Variants in LRP4 observed in about 807,000 individuals in gnomAD.
LRP4 encodes the protein LDL receptor related protein 4, also known as low-density lipoprotein receptor-related protein 4.
Under a neutral mutation model 220.3 loss-of-function variants are expected in LRP4, and 95 were observed. The ratio of observed to expected loss-of-function variants is 0.43; its 90% CI spans 0.37 to 0.51. The LOEUF (loss-of-function observed/expected upper bound fraction) is 0.51, where lower values mean the gene tolerates loss of function less well. Among genes scored for constraint, LRP4 ranks in the 20% least tolerant of loss-of-function variants. LRP4 has a pLI of 0.00. For missense variants in LRP4, 1,925 were observed against 2,567.0 expected (o/e 0.75, Z 5.40); for synonymous variants, 903 against 954.6 (o/e 0.95, Z 1.00).
chr11:46,901,923 C>A (rs1327764516), intron 2 of LRP4, among the ~76,000 whole-genome samples: 1 of 151,802 alleles, frequency 6.6e-6, no homozygotes, highest in Admixed American at 6.6e-5. Flanking sequence ...TTAATAGAGA[C>A]AGGGTTTCAG....
chr11:46,876,463 C>T lies in LRP4; in HGVS notation c.3536+3G>A. ...TACCCAGTGCGATACAGCCAGCTCT[C>T]ACCCCATCTCATGGTACAGTACGAT... On this transcript the variant is annotated splice_donor_region_variant and intron_variant, in intron 25 of 37. Transcript: ENST00000378623. The T allele has an allele frequency of 6.2e-7, 1 of 1,614,202 alleles. No homozygotes were observed. The highest frequency in any genetic ancestry group is 8.5e-7 in the Non-Finnish European group (1 of 1,180,038).
At chr11:46,861,496 ATAGT>A (rs2080472155) in intron 37 of LRP4, among the ~76,000 whole-genome samples, 1 of 138,060 alleles carries the variant, frequency 7.2e-6, no homozygotes, top group African/African-American at 2.6e-5. Context: ...AATACCAGGT[ATAGT>A]TAGTTTCCTT....
chr11:46,868,877 G>A (rs1940780102), intron 32 of LRP4, 111 bp downstream of exon 32: 1 of 1,488,810 alleles, frequency 6.7e-7, no homozygotes, highest in Non-Finnish European at 9.4e-7. Flanking sequence ...TTTAAAATGT[G>A]AACCAAGAAG....
At chr11:46,905,950 C>G (rs1197623394) in intron 1 of LRP4, among the ~76,000 whole-genome samples, 1 of 151,842 alleles carries the variant, frequency 6.6e-6, no homozygotes, top group Non-Finnish European at 1.5e-5. Flanking sequence ...TGCTGCTAAC[C>G]ACACACAGTA....
Position 46,877,263 on chromosome 11 carries a change from A to G in LRP4, c.3213T>C (p.Asp1071=), listed in dbSNP as rs753940668. 2.5e-6 allele frequency: 4 copies of G among 1,614,092 alleles called. No individual in the cohort carries two copies. In the Admixed American group the frequency reaches 6.7e-5, roughly 27 times the overall value. The part of the protein sequence containing the change: ...MVSLDIPYFA[D]VVVPINITMK... ...TGGTAATGTTGATTGGTACCACCAC[A>G]TCAGCAAAATAAGGGATGTCCAGGG... is the stretch of plus-strand genomic sequence containing the variant. The change falls in exon 23 of 38, where the codon GAT becomes GAC. Residue 1071 remains aspartate, a synonymous_variant. Coordinates refer to ENST00000378623, the MANE Select transcript of LRP4 (RefSeq NM_002334.4).
intron 37 of LRP4, among the ~76,000 whole-genome samples, chr11:46,860,366 C>CA (rs1483689573): frequency 6.6e-6 from 1 of 152,204 alleles, no homozygotes; most frequent in Admixed American, 6.5e-5. Flanking sequence ...GCTCTGCTGC[C>CA]ATGAGTCCTG....
intron 37 of LRP4, 136 bp from the exon 38 acceptor site, chr11:46,859,451 G>A (rs1334506785): frequency 1.4e-6 from 1 of 726,124 alleles, no homozygotes; most frequent in East Asian, 2.6e-5. Flanking sequence ...ATGGGGAAAT[G>A]TGATTAAGAC....
At chr11:46,885,655 C>T (rs1348019582) in intron 18 of LRP4, among the ~76,000 whole-genome samples, 1 of 151,860 alleles carries the variant, frequency 6.6e-6, no homozygotes, top group Non-Finnish European at 1.5e-5. Flanking sequence ...GCCTGTAGTC[C>T]CAGCTACTTG....
intron 2 of LRP4, 41 bp downstream of exon 2, chr11:46,902,742 C>T (rs766935149): frequency 1.1e-5 from 17 of 1,612,416 alleles, no homozygotes; most frequent in Admixed American, 1.7e-5. Context: ...ACCCCCAGGT[C>T]CCTCTCCACC....
chr11:46,877,759 C>A (rs182552993), intron 22 of LRP4, among the ~76,000 whole-genome samples: 3 of 152,238 alleles, frequency 2.0e-5, no homozygotes, highest in African/African-American at 4.8e-5. Flanking sequence ...TGAGCCACTA[C>A]TCTCAGCTTA....
intron 13 of LRP4, among the ~76,000 whole-genome samples, chr11:46,891,519 G>A (rs1484014459): frequency 1.3e-5 from 2 of 152,048 alleles, no homozygotes; most frequent in Middle Eastern, 3.4e-3. Context: ...CATACTGTAG[G>A]ACCTTATAAG....
chr11:46,864,382 G>A (rs538517992), intron 36 of LRP4, 66 bp downstream of exon 36: 14 of 1,217,386 alleles, frequency 1.2e-5, no homozygotes, highest in Middle Eastern at 1.9e-4. Context: ...GCAGAGCTTC[G>A]GGAGATCCCA....
intron 2 of LRP4, among the ~76,000 whole-genome samples, chr11:46,902,120 G>A (rs1274258206): frequency 6.6e-6 from 1 of 151,768 alleles, no homozygotes; most frequent in Non-Finnish European, 1.5e-5. Flanking sequence ...CACTTTGGGA[G>A]GCTGAGGTGG....
chr11:46,894,926 T>C, intron 11 of LRP4, 107 bp from the exon 12 acceptor site: 1 of 1,079,586 alleles, frequency 9.3e-7, no homozygotes, highest in Non-Finnish European at 1.4e-6. Context: ...CACAAGGACA[T>C]GCCCCAAGCT....
intron 18 of LRP4, among the ~76,000 whole-genome samples, chr11:46,884,869 G>A (rs553443395): frequency 5.9e-5 from 9 of 152,000 alleles, no homozygotes; most frequent in Non-Finnish European, 1.3e-4. Flanking sequence ...CTGAGATTGC[G>A]CCGCTGCACT....
chr11:46,899,785 G>A lies in LRP4; in HGVS notation c.430+78C>T. On this transcript the variant is annotated intron_variant, in intron 4 of 37. Coordinates refer to ENST00000378623, the MANE Select transcript of LRP4 (RefSeq NM_002334.4). The surrounding 1 kb of genome is among the most constrained non-coding windows in gnomAD (Gnocchi z 5.9). Reference sequence around the variant, plus strand: ...CAGTTGGAGGTTTGGCAGTGCTAGGGCCATTGCTGCTATCTTCTCCCATGG... The same window carrying A: ...CAGTTGGAGGTTTGGCAGTGCTAGGACCATTGCTGCTATCTTCTCCCATGG... 2 of 1,177,914 alleles carry A rather than the reference G, an allele frequency of 1.7e-6. No homozygotes were observed. Among genetic ancestry groups the A allele is most frequent in the South Asian group, 1.2e-5 (1 of 82,442 alleles). The allele number at this position is 1,177,914 out of a possible 1,614,324, so 73.0% of individuals were successfully genotyped here.
At chr11:46,885,916 G>T (rs767348341) in intron 18 of LRP4, among the ~76,000 whole-genome samples, 175 bp downstream of exon 18, 2 of 152,302 alleles carry the variant, frequency 1.3e-5, no homozygotes, top group African/African-American at 4.8e-5. Context: ...AGCTTCTCAC[G>T]TGGGAGCTTC....
chr11:46,912,583 C>G (rs1211092652), intron 1 of LRP4, among the ~76,000 whole-genome samples: 1 of 152,174 alleles, frequency 6.6e-6, no homozygotes, highest in Non-Finnish European at 1.5e-5. Context: ...ACAGTCAACT[C>G]AACAGAGAAG....
Position 46,862,747 on chromosome 11 carries a change from T to G in LRP4, c.5244A>C (p.Arg1748Ser). The G allele has an allele frequency of 6.2e-7, 1 of 1,613,808 alleles. No homozygotes were observed. Among genetic ancestry groups the G allele is most frequent in the Non-Finnish European group, 8.5e-7 (1 of 1,179,906 alleles). The change falls in exon 37 of 38, where the codon AGA becomes AGC. Residue 1748 changes from arginine (R) to serine (S), a missense_variant and splice_region_variant. Around this residue, in one of 3 missense-constraint regions of LRP4, gnomAD observed 1,244 missense variants for 1,624.9 expected, o/e 0.77. Coordinates refer to ENST00000378623, the MANE Select transcript of LRP4 (RefSeq NM_002334.4). ...GATCAGTGAACTTGGATTTTTTGTG[T>G]CTTTAGGAGGGAAGGTGATGAGAAA... is the stretch of plus-strand genomic sequence containing the variant. Reference protein sequence around the residue: ...LVVIAALMLYRHKKSKFTDPG... With the variant: ...LVVIAALMLYSHKKSKFTDPG...
Sources: gnomAD v4.1 joint callset for allele counts (sites outside exome capture counted in the v4.1 genomes callset) on GRCh38, gnomAD v4.1.1 for gene constraint, gnomAD v4.1.1 regional missense constraint, Gnocchi (gnomAD v3.1) non-coding constraint, MANE v1.5 for transcripts, NCBI Gene and HGNC (gene_info 2026-07-23, HGNC 2026-07-21) for gene names.